Variants in CLINT1 observed in about 807,000 individuals in gnomAD.
CLINT1 encodes the protein clathrin interactor 1.
A neutral mutation model predicts 70.4 loss-of-function variants in CLINT1; 15 were observed. That is an observed-to-expected ratio of 0.21 (90% confidence interval 0.14 to 0.33). The LOEUF is 0.33. Among genes scored for constraint, CLINT1 ranks in the 10% least tolerant of loss-of-function variants. CLINT1 has a pLI of 1.00. For missense variants in CLINT1, 615 were observed against 778.1 expected (o/e 0.79, Z 2.49); for synonymous variants, 227 against 254.7 (o/e 0.89, Z 1.04).
At chr5:157,816,614 G>T in intron 3 of CLINT1, 120 bp downstream of exon 3, 1 of 617,132 alleles carries the variant, frequency 1.6e-6, no homozygotes, top group Non-Finnish European at 2.8e-6. Flanking sequence ...TCTTTCATGT[G>T]CTTTCGATTA....
chr5:157,832,509 T>G (rs1433750229), intron 1 of CLINT1, among the ~76,000 whole-genome samples: 1 of 152,188 alleles, frequency 6.6e-6, no homozygotes, highest in Non-Finnish European at 1.5e-5. Context: ...CACCTGTTAG[T>G]TCTGCACTTA....
chr5:157,794,019 T>C (rs1055682965), intron 9 of CLINT1, among the ~76,000 whole-genome samples: 29 of 152,090 alleles, frequency 1.9e-4, no homozygotes, highest in Admixed American at 1.8e-3. Flanking sequence ...AACTTCAGAC[T>C]GACCAGATTT....
At chr5:157,854,138 C>A (rs1753670159) in intron 1 of CLINT1, among the ~76,000 whole-genome samples, 1 of 152,044 alleles carries the variant, frequency 6.6e-6, no homozygotes, top group South Asian at 2.1e-4. Flanking sequence ...AAGAAGCAAA[C>A]TGAACAGAGA....
Position 157,816,728 on chromosome 5 carries a change from C to A in CLINT1, c.243+6G>T. On this transcript the variant is annotated splice_donor_region_variant and intron_variant, in intron 3 of 11. Transcript: ENST00000411809. ...TCAAGTAATTAAAGCAGACTTGTGT[C>A]CATACCTTATAAACTCTTCTCCAAT... 1 of 1,595,468 alleles carries A rather than the reference C, an allele frequency of 6.3e-7. No individual in the cohort carries two copies. Among genetic ancestry groups the A allele is most frequent in the Non-Finnish European group, 8.6e-7 (1 of 1,165,850 alleles).
intron 3 of CLINT1, among the ~76,000 whole-genome samples, 188 bp from the exon 4 acceptor site, chr5:157,814,481 T>TCC (rs1762653371): frequency 6.6e-6 from 1 of 152,236 alleles, no homozygotes; most frequent in Non-Finnish European, 1.5e-5. Context: ...TCCTCTTATA[T>TCC]TAAGCATGAT....
At chr5:157,856,070 T>C (rs1046507496) in intron 1 of CLINT1, among the ~76,000 whole-genome samples, 4 of 152,234 alleles carry the variant, frequency 2.6e-5, no homozygotes, top group African/African-American at 7.2e-5. Flanking sequence ...CAATATACAC[T>C]AAAAGTCCTA....
intron 8 of CLINT1, among the ~76,000 whole-genome samples, chr5:157,799,929 C>T (rs1364310746): frequency 1.3e-5 from 2 of 152,020 alleles, no homozygotes; most frequent in East Asian, 1.9e-4. Context: ...AAGAAAGGTA[C>T]GGTAGAAATA....
At chr5:157,800,140 ATAGT>A (rs1270325659) in intron 8 of CLINT1, among the ~76,000 whole-genome samples, 2 of 152,168 alleles carry the variant, frequency 1.3e-5, no homozygotes, top group East Asian at 1.9e-4. Context: ...GTAAATCCTG[ATAGT>A]TAGGTTTTAC....
At chr5:157,811,913 A>T (rs955876235) in intron 5 of CLINT1, among the ~76,000 whole-genome samples, 5 of 152,232 alleles carry the variant, frequency 3.3e-5, no homozygotes, top group Non-Finnish European at 2.9e-5. Flanking sequence ...GACTTCCCCA[A>T]ATAGAAACTT....
chr5:157,809,929 C>A, intron 5 of CLINT1, 124 bp from the exon 6 acceptor site: 1 of 903,804 alleles, frequency 1.1e-6, no homozygotes, highest in South Asian at 1.7e-5. Context: ...CAGAAAGCTC[C>A]CACAGTGCTG....
At chr5:157,815,384 G>A (rs1762688862) in intron 3 of CLINT1, among the ~76,000 whole-genome samples, 1 of 146,506 alleles carries the variant, frequency 6.8e-6, no homozygotes, top group East Asian at 2.1e-4. Flanking sequence ...TGGGTGTAGG[G>A]TTTCTTTACA....
At chr5:157,816,662 T>TGTATATACATAGGTGATTTTGAA in intron 3 of CLINT1, 72 bp downstream of exon 3, 1 of 963,314 alleles carries the variant, frequency 1.0e-6, no homozygotes, top group Non-Finnish European at 1.6e-6. Flanking sequence ...AAATCACCTA[T>TGTATATACATAGGTGATTTTGAA]GTATATACAC....
intron 1 of CLINT1, among the ~76,000 whole-genome samples, chr5:157,830,757 C>CCCT (rs1763202161): frequency 0.01 from 904 of 87,336 alleles, 11 homozygotes; most frequent in African/African-American, 0.031. Flanking sequence ...CCTCTCTCTC[C>CCCT]CTCTCTCTCT....
intron 1 of CLINT1, among the ~76,000 whole-genome samples, chr5:157,838,475 A>G (rs866533208): frequency 6.6e-6 from 1 of 152,346 alleles, no homozygotes; most frequent in Non-Finnish European, 1.5e-5. Context: ...CTGTGAGTAA[A>G]GCCAGCCTAA....
intron 1 of CLINT1, among the ~76,000 whole-genome samples, chr5:157,833,410 G>A (rs943713378): frequency 6.6e-6 from 1 of 151,806 alleles, no homozygotes; most frequent in African/African-American, 2.4e-5. Flanking sequence ...TCCTTCATAT[G>A]AGATACCAGT....
At chr5:157,788,968 G>GAAAAAAAAAAAAAAAAAAAAAAAAA (rs58634730) in intron 11 of CLINT1, among the ~76,000 whole-genome samples, 1 of 95,578 alleles carries the variant, frequency 1.0e-5, no homozygotes, top group Non-Finnish European at 2.2e-5. Flanking sequence ...CTCCATCTCA[G>GAAAAAAAAAAAAAAAAAAAAAAAAA]AAAAAAAAAA....
chr5:157,793,704 CT>C (rs1167078762), intron 9 of CLINT1, among the ~76,000 whole-genome samples: 2 of 152,104 alleles, frequency 1.3e-5, no homozygotes, highest in Admixed American at 6.5e-5. Context: ...ATGGCATATT[CT>C]TACTTTCAAA....
chr5:157,806,697 G>C (rs1246741946), intron 6 of CLINT1, among the ~76,000 whole-genome samples: 1 of 152,130 alleles, frequency 6.6e-6, no homozygotes, highest in African/African-American at 2.4e-5. Context: ...CTTTACAACT[G>C]TGCTATTTTA....
Position 157,787,829 on chromosome 5 carries a change from A to C in CLINT1, c.1695T>G (p.Pro565=). The C allele has an allele frequency of 6.2e-7, 1 of 1,613,952 alleles. No individual in the cohort carries two copies. The change falls in exon 12 of 12, where the codon CCT becomes CCG. Residue 565 remains proline, a synonymous_variant. Coordinates refer to ENST00000411809, the MANE Select transcript of CLINT1 (RefSeq NM_014666.4). ...NVMTGTMGMA[P]LGNTPMMNQS... is the part of the protein sequence containing the mutation. ...GGTTCATCATCGGAGTATTTCCAAG[A>C]GGGGCCATTCCCATGGTGCCAGTCA...
Sources: allele counts gnomAD v4.1 joint callset (sites outside exome capture counted in the v4.1 genomes callset), GRCh38; gene constraint gnomAD v4.1.1; transcripts MANE v1.5; gene names NCBI Gene and HGNC (gene_info 2026-07-23, HGNC 2026-07-21).